The following ZNF804B variants were observed in gnomAD, a reference collection of about 807,000 sequenced individuals.
ZNF804B encodes zinc finger protein 804B.
A neutral mutation model predicts 101.4 loss-of-function variants in ZNF804B; 80 were observed. The observed-to-expected ratio is 0.79, with a 90% CI of 0.66 to 0.95. The LOEUF (loss-of-function observed/expected upper bound fraction) is 0.95. Among genes scored for constraint, ZNF804B ranks in the 40% least tolerant of loss-of-function variants. The pLI, the probability that ZNF804B is intolerant of heterozygous loss-of-function variation, is 0.00. For synonymous variants in ZNF804B, 622 were observed against 558.8 expected, an observed-to-expected ratio of 1.11 and a Z score of -1.59; for missense variants, 1,673 against 1,561.9, an observed-to-expected ratio of 1.07 and a Z score of -1.20.
intron 2 of ZNF804B, among the ~76,000 whole-genome samples, chr7:89,252,279 T>G (rs1789553719): frequency 6.6e-6 from 1 of 152,112 alleles, no homozygotes; most frequent in Non-Finnish European, 1.5e-5. Context: ...AGAAGATTTA[T>G]AAGCAGCCAG....
intron 1 of ZNF804B, among the ~76,000 whole-genome samples, chr7:89,086,654 A>G (rs1789806661): frequency 1.3e-5 from 2 of 152,142 alleles, no homozygotes; most frequent in Non-Finnish European, 2.9e-5. Flanking sequence ...GAGTCATTTA[A>G]CAATCATATT....
intron 1 of ZNF804B, among the ~76,000 whole-genome samples, chr7:88,999,427 A>G (rs1258147387): frequency 6.6e-6 from 1 of 152,020 alleles, no homozygotes; most frequent in Non-Finnish European, 1.5e-5. Context: ...GGACTTATGC[A>G]CTGGACTTTT....
At chr7:89,213,464 G>A (rs2115684524) in intron 1 of ZNF804B, among the ~76,000 whole-genome samples, 1 of 152,314 alleles carries the variant, frequency 6.6e-6, no homozygotes, top group African/African-American at 2.4e-5. Flanking sequence ...AACAGCAATT[G>A]ATTTCTTCCC....
intron 1 of ZNF804B, among the ~76,000 whole-genome samples, chr7:88,798,875 A>ATGGT (rs1165328303): frequency 6.6e-6 from 1 of 152,110 alleles, no homozygotes; most frequent in East Asian, 1.9e-4. Flanking sequence ...GTGACTCAAG[A>ATGGT]GAACTCTTCT....
At chr7:89,049,512 C>G (rs1292170107) in intron 1 of ZNF804B, among the ~76,000 whole-genome samples, 10 of 152,132 alleles carry the variant, frequency 6.6e-5, no homozygotes. Context: ...TGCCTCTGCC[C>G]TTCTATTCCC....
intron 1 of ZNF804B, among the ~76,000 whole-genome samples, chr7:89,104,200 T>C (rs909584529): frequency 2.0e-5 from 3 of 152,024 alleles, no homozygotes; most frequent in African/African-American, 7.2e-5. Context: ...TCTTTTTTTG[T>C]TGTTGTGTCC....
rs560686570 is a variant in ZNF804B, at chr7:89,329,299, C to G, written c.380+1825C>G. Among the ~76,000 whole-genome samples the G allele has an allele frequency of 5.3e-5, 8 of 151,812 alleles. No homozygotes were observed. In the East Asian group the frequency reaches 1.5e-3, roughly 29 times the overall value. ...ATCGTCTACTGCCCATCACCTGCCT[C>G]TTAGCCAATTGCTCTCTCTGCTTAA... On this transcript the variant is annotated intron_variant, in intron 3 of 3. Coordinates refer to ENST00000333190, the MANE Select transcript of ZNF804B (RefSeq NM_181646.5).
intron 1 of ZNF804B, among the ~76,000 whole-genome samples, chr7:88,922,082 T>G (rs1792727688): frequency 6.6e-6 from 1 of 152,074 alleles, no homozygotes; most frequent in African/African-American, 2.4e-5. Flanking sequence ...ATGGCACAAC[T>G]TCAGGATCAA....
chr7:88,958,397 T>C lies in ZNF804B; in HGVS notation c.108+198313T>C, dbSNP rs999433784. Among the ~76,000 whole-genome samples, 4 of 151,646 alleles carry C rather than the reference T, an allele frequency of 2.6e-5. No individual in the cohort carries two copies. In the South Asian group the frequency reaches 6.2e-4, roughly 24 times the overall value. On this transcript the variant is annotated intron_variant, in intron 1 of 3. Transcript: ENST00000333190. ...CCAATGCTCATGTTACATGTTTTAC[T>C]AAAAGACCAAAATCTTTTCATGTAT...
chr7:88,794,677 A>C, intron 1 of ZNF804B: 1 of 1,613,816 alleles, frequency 6.2e-7, no homozygotes, highest in Non-Finnish European at 8.5e-7. Flanking sequence ...ATAGATGAGC[A>C]GCAATCCTGT....
chr7:89,013,759 C>T (rs1788498862), intron 1 of ZNF804B, among the ~76,000 whole-genome samples: 1 of 152,084 alleles, frequency 6.6e-6, no homozygotes, highest in African/African-American at 2.4e-5. Context: ...AAATCTCTCC[C>T]TTTCTCCTCC....
chr7:89,140,411 A>G (rs1210359875), intron 1 of ZNF804B, among the ~76,000 whole-genome samples: 1 of 152,074 alleles, frequency 6.6e-6, no homozygotes, highest in Non-Finnish European at 1.5e-5. Flanking sequence ...TTACTCTCTA[A>G]CTATGAAAGT....
intron 1 of ZNF804B, among the ~76,000 whole-genome samples, chr7:88,957,714 A>T (rs1006607494): frequency 6.6e-6 from 1 of 151,284 alleles, no homozygotes; most frequent in Non-Finnish European, 1.5e-5. Context: ...AATTTTCCTT[A>T]ATATGTATGA....
chr7:89,278,613 T>C (rs1298868333), intron 2 of ZNF804B, among the ~76,000 whole-genome samples: 1 of 152,042 alleles, frequency 6.6e-6, no homozygotes, highest in Non-Finnish European at 1.5e-5. Context: ...AAGGAATCCT[T>C]TCCCCATTGC....
chr7:89,309,013 G>A (rs1265649042), intron 2 of ZNF804B, among the ~76,000 whole-genome samples: 1 of 151,996 alleles, frequency 6.6e-6, no homozygotes, highest in East Asian at 1.9e-4. Flanking sequence ...TTAGAATCAG[G>A]GGGTACATGT....
chr7:89,156,962 G>A (rs1191897993), intron 1 of ZNF804B, among the ~76,000 whole-genome samples: 1 of 152,114 alleles, frequency 6.6e-6, no homozygotes, highest in African/African-American at 2.4e-5. Context: ...AGGAGTTGTG[G>A]GGTCTACCCT....
chr7:89,077,241 G>A (rs1016773529), intron 1 of ZNF804B, among the ~76,000 whole-genome samples: 1 of 152,166 alleles, frequency 6.6e-6, no homozygotes, highest in African/African-American at 2.4e-5. Flanking sequence ...TGGAGGGAAA[G>A]TATAAAAGCC....
intron 1 of ZNF804B, among the ~76,000 whole-genome samples, chr7:89,139,400 ATCAGCTGACTCC>A (rs1790684036): frequency 6.6e-6 from 1 of 152,096 alleles, no homozygotes; most frequent in Non-Finnish European, 1.5e-5. Context: ...TCTTTGTCAC[ATCAGCTGACTCC>A]TCCTTTCACA....
chr7:89,256,159 T>G (rs1789629099), intron 2 of ZNF804B, among the ~76,000 whole-genome samples: 1 of 152,222 alleles, frequency 6.6e-6, no homozygotes, highest in South Asian at 2.1e-4. Context: ...TAGACTATAG[T>G]AACACTTTCA....
Sources: allele counts gnomAD v4.1 joint callset (sites outside exome capture counted in the v4.1 genomes callset), GRCh38; gene constraint gnomAD v4.1.1; transcripts MANE v1.5; gene names NCBI Gene and HGNC (gene_info 2026-07-23, HGNC 2026-07-21).